LAPTM5: variants seen among roughly 807,000 people sequenced by gnomAD.
LAPTM5 encodes lysosomal protein transmembrane 5.
LAPTM5 carries 11 observed loss-of-function variants against 30.1 expected under a neutral mutation model. The observed-to-expected ratio is 0.37, with a 90% CI of 0.23 to 0.60. LAPTM5 has a LOEUF of 0.60. Among genes scored for constraint, LAPTM5 ranks in the 20% least tolerant of loss-of-function variants. LAPTM5 has a pLI of 0.71. For synonymous variants in LAPTM5, 151 were observed against 137.9 expected, an observed-to-expected ratio of 1.10 and a Z score of -0.67; for missense variants, 324 against 332.5, an observed-to-expected ratio of 0.97 and a Z score of 0.20.
At chr1:30,741,856 C>A in intron 2 of LAPTM5, 140 bp from the exon 3 acceptor site, 1 of 570,664 alleles carries the variant, frequency 1.8e-6, no homozygotes, top group Non-Finnish European at 3.1e-6. Context: ...TCTTGCAGTC[C>A]TGAGTCTGGA....
intron 5 of LAPTM5, among the ~76,000 whole-genome samples, 189 bp downstream of exon 5, chr1:30,738,751 C>G (rs1241674623): frequency 6.6e-6 from 1 of 152,206 alleles, no homozygotes; most frequent in Non-Finnish European, 1.5e-5. Flanking sequence ...TTTCTCGAAC[C>G]TGCCTTCCTC....
intron 1 of LAPTM5, among the ~76,000 whole-genome samples, chr1:30,756,932 C>T (rs1380522582): frequency 1.3e-5 from 2 of 152,150 alleles, no homozygotes; most frequent in African/African-American, 4.8e-5. Flanking sequence ...AGCCTTGGCC[C>T]CCGGGCACTG....
intron 5 of LAPTM5, among the ~76,000 whole-genome samples, chr1:30,738,173 G>T (rs148056794): frequency 1.3e-5 from 2 of 152,162 alleles, no homozygotes; most frequent in South Asian, 4.1e-4. Flanking sequence ...TCTTTGAGAC[G>T]CCTCCCTTCT....
Position 30,747,044 on chromosome 1 carries a change from A to T in LAPTM5, c.88-4495T>A, listed in dbSNP as rs531574609. Among the ~76,000 whole-genome samples the T allele has an allele frequency of 5.9e-5, 9 of 152,240 alleles. No individual in the cohort carries two copies. In the South Asian group the frequency reaches 1.7e-3, roughly 28 times the overall value. On this transcript the variant is annotated intron_variant, in intron 1 of 7. Coordinates refer to ENST00000294507, the MANE Select transcript of LAPTM5 (RefSeq NM_006762.3). ...AGTCTCCAGGGAACTCGATACATGAATGGTGTGCTCAGAGCCATGACAGAG... is the reference window on the plus strand; with the variant it reads ...AGTCTCCAGGGAACTCGATACATGATTGGTGTGCTCAGAGCCATGACAGAG...
intron 6 of LAPTM5, among the ~76,000 whole-genome samples, chr1:30,735,540 G>T (rs1639873727): frequency 6.6e-6 from 1 of 152,220 alleles, no homozygotes; most frequent in Non-Finnish European, 1.5e-5. Context: ...TAGTCCCACA[G>T]CTCCTGCTTG....
At position 30,753,739 on chromosome 1, in the gene LAPTM5, G is replaced by A. The variant is rs187828604; in HGVS notation, c.87+3920C>T. Among the ~76,000 whole-genome samples, 254 of 152,268 alleles carry A rather than the reference G, an allele frequency of 1.7e-3. 1 individual carries two copies. Among genetic ancestry groups the A allele is most frequent in the African/African-American group, 5.8e-3 (242 of 41,538 alleles). On this transcript the variant is annotated intron_variant, in intron 1 of 7. Transcript: ENST00000294507. ...GAAAAAGGATGTAAGAGGAAAGCTG[G>A]GGAAATAGGGGTGAAGCACTGACTT...
intron 3 of LAPTM5, among the ~76,000 whole-genome samples, chr1:30,740,294 G>A (rs1164186808): frequency 6.6e-6 from 1 of 152,164 alleles, no homozygotes; most frequent in African/African-American, 2.4e-5. Flanking sequence ...GGGGACACCA[G>A]GGCTAGATCG....
chr1:30,740,168 A>G (rs1639947888), intron 3 of LAPTM5, among the ~76,000 whole-genome samples: 1 of 152,182 alleles, frequency 6.6e-6, no homozygotes, highest in Non-Finnish European at 1.5e-5. Flanking sequence ...AACCATCCCC[A>G]TCTATCAGGG....
chr1:30,737,713 G>T lies in LAPTM5; in HGVS notation c.511-14C>A. On this transcript the variant is annotated splice_polypyrimidine_tract_variant and intron_variant, in intron 5 of 7. Transcript: ENST00000294507. ...GGGGAGGTAATTCTGCAACAGATTTGGGGGCCACATCAATGTCTCTGGACA... is the reference window on the plus strand; with the variant it reads ...GGGGAGGTAATTCTGCAACAGATTTTGGGGCCACATCAATGTCTCTGGACA... 6.4e-7 allele frequency: 1 copy of T among 1,564,336 alleles called. No homozygotes were observed. Among genetic ancestry groups the T allele is most frequent in the Non-Finnish European group, 8.8e-7 (1 of 1,135,246 alleles).
intron 5 of LAPTM5, among the ~76,000 whole-genome samples, chr1:30,738,138 G>A (rs1419906584): frequency 6.6e-6 from 1 of 152,162 alleles, no homozygotes; most frequent in Non-Finnish European, 1.5e-5. Context: ...TGCCTCTGTG[G>A]TCATTTGCAA....
Position 30,746,935 on chromosome 1 carries a change from T to C in LAPTM5, c.88-4386A>G, listed in dbSNP as rs538106132. On this transcript the variant is annotated intron_variant, in intron 1 of 7. Coordinates refer to ENST00000294507, the MANE Select transcript of LAPTM5 (RefSeq NM_006762.3). This position sits in a 1 kb window ranked among gnomAD's most constrained non-coding sequence, Gnocchi z 4.0. ...GTTTTTGCTACCTCTGGGCATTCAC[T>C]GACTCTCAGTAAACACTCTCTGAGC... 6.6e-5 allele frequency among the ~76,000 whole-genome samples: 10 copies of C among 152,306 alleles called. No homozygotes were observed. The highest frequency in any genetic ancestry group is 1.7e-4 in the African/African-American group (7 of 41,570).
At chr1:30,742,343 ATCC>A in intron 2 of LAPTM5, 110 bp downstream of exon 2, 1 of 705,350 alleles carries the variant, frequency 1.4e-6, no homozygotes, top group Non-Finnish European at 2.4e-6. Context: ...GCCAGAGGTC[ATCC>A]ATCGTCCATG....
In LAPTM5 at chr1:30,737,710, T is replaced by C; in HGVS notation, c.511-11A>G. On this transcript the variant is annotated splice_polypyrimidine_tract_variant and intron_variant, in intron 5 of 7. Transcript: ENST00000294507. ...GCTGGGGAGGTAATTCTGCAACAGA[T>C]TTGGGGGCCACATCAATGTCTCTGG... 6.3e-7 allele frequency: 1 copy of C among 1,579,046 alleles called. No homozygotes were observed. The highest frequency in any genetic ancestry group is 8.7e-7 in the Non-Finnish European group (1 of 1,148,582).
At chr1:30,752,956 G>A (rs752448690) in intron 1 of LAPTM5, among the ~76,000 whole-genome samples, 1 of 152,032 alleles carries the variant, frequency 6.6e-6, no homozygotes, top group Non-Finnish European at 1.5e-5. Context: ...ACAGGCTCCC[G>A]CCATCATGCC....
Position 30,737,672 on chromosome 1 carries a change from G to T in LAPTM5, c.538C>A (p.Pro180Thr), listed in dbSNP as rs375995678. 5 of 1,613,062 alleles carry T rather than the reference G, an allele frequency of 3.1e-6. No individual in the cohort carries two copies. The African/African-American group carries it at 4.0e-5, about 13-fold the overall frequency. Residue 180 changes from proline (P) to threonine (T), a missense_variant, in exon 6 of 8, where the codon CCT becomes ACT. Transcript: ENST00000294507. The part of the protein sequence containing the change: ...MNYLPSQEDM[P>T]HNQFIKMMII... The stretch of plus-strand genomic sequence containing the variant: ...ATCATCTTGATGAACTGGTTATGAG[G>T]CATATCCTCCTGGCTGGGGAGGTAA...
chr1:30,736,597 CT>C (rs201831542), intron 6 of LAPTM5, among the ~76,000 whole-genome samples: 1,611 of 146,216 alleles, frequency 0.011, 38 homozygotes, highest in African/African-American at 0.036. Context: ...CCACATCCAA[CT>C]TTTTTTTTTT....
In LAPTM5 at chr1:30,739,297, G is replaced by A; in HGVS notation, c.388-235C>T. 1 of 463,600 alleles carries A rather than the reference G, an allele frequency of 2.2e-6. No individual in the cohort carries two copies. Among genetic ancestry groups the A allele is most frequent in the South Asian group, 2.3e-5 (1 of 43,132 alleles). The allele number at this position is 463,600 out of a possible 1,614,324, so 28.7% of individuals were successfully genotyped here. On this transcript the variant is annotated intron_variant, in intron 4 of 7. Transcript: ENST00000294507. The surrounding 1 kb of genome is among the most constrained non-coding windows in gnomAD (Gnocchi z 4.2). ...TCCCGGGCCAGGGCCCTTCCATGAT[G>A]TAGCCCCCCGGTCTCTTCAAGGACA...
chr1:30,752,619 T>C (rs1390993279), intron 1 of LAPTM5, among the ~76,000 whole-genome samples: 1 of 152,186 alleles, frequency 6.6e-6, no homozygotes, highest in African/African-American at 2.4e-5. Flanking sequence ...CAGCCCTACA[T>C]CTGTGCCCCC....
chr1:30,746,439 A>C lies in LAPTM5; in HGVS notation c.88-3890T>G, dbSNP rs1359269152. Among the ~76,000 whole-genome samples the C allele has an allele frequency of 2.0e-5, 3 of 152,052 alleles. No homozygotes were observed. Among genetic ancestry groups the C allele is most frequent in the Non-Finnish European group, 4.4e-5 (3 of 68,020 alleles). On this transcript the variant is annotated intron_variant, in intron 1 of 7. Coordinates refer to ENST00000294507, the MANE Select transcript of LAPTM5 (RefSeq NM_006762.3). This position sits in a 1 kb window ranked among gnomAD's most constrained non-coding sequence, Gnocchi z 4.0. Reference sequence around the variant, plus strand: ...GACCTACAGAGTATGCAGACAGTCAACATTTCCAAGCCTCCAAGCCCTTGC... The same window carrying C: ...GACCTACAGAGTATGCAGACAGTCACCATTTCCAAGCCTCCAAGCCCTTGC...
Sources: allele counts gnomAD v4.1 joint callset (sites outside exome capture counted in the v4.1 genomes callset), GRCh38; gene constraint gnomAD v4.1.1; non-coding constraint Gnocchi (gnomAD v3.1); transcripts MANE v1.5; gene names NCBI Gene and HGNC (gene_info 2026-07-23, HGNC 2026-07-21).